The following ATP8B4 variants were observed in gnomAD, a reference collection of about 807,000 sequenced individuals.
The protein encoded by ATP8B4 is probable phospholipid-transporting ATPase IM.
In ATP8B4, 133 loss-of-function variants were observed where a neutral mutation model predicts 145.6. That is an observed-to-expected ratio of 0.91 (90% CI 0.79 to 1.05). The LOEUF (loss-of-function observed/expected upper bound fraction) is 1.05. Ranked by LOEUF, ATP8B4 falls within the 50% of genes least tolerant of loss-of-function variation. The pLI is 0.00. For missense variants in ATP8B4, 1,458 were observed against 1,425.2 expected, an observed-to-expected ratio of 1.02 and a Z score of -0.37; for synonymous variants, 507 against 492.9, an observed-to-expected ratio of 1.03 and a Z score of -0.38.
chr15:50,074,282 G>T, intron 2 of ATP8B4, 97 bp from the exon 3 acceptor site: 1 of 1,023,990 alleles, frequency 9.8e-7, no homozygotes, highest in Admixed American at 2.3e-5. Flanking sequence ...TGTTGTTAAG[G>T]CTGCAAGAAT....
intron 23 of ATP8B4, among the ~76,000 whole-genome samples, chr15:49,892,550 A>C (rs1255700638): frequency 2.0e-5 from 3 of 152,188 alleles, no homozygotes; most frequent in African/African-American, 7.2e-5. Context: ...ATTGTTTTCA[A>C]AACACTAGAA....
rs1470592408 is a variant in ATP8B4 at position 50,047,406 on chromosome 15, A to G, written c.146T>C (p.Phe49Ser). 2.5e-6 allele frequency: 4 copies of G among 1,601,140 alleles called. No individual in the cohort carries two copies. Among genetic ancestry groups the G allele is most frequent in the Non-Finnish European group, 3.4e-6 (4 of 1,168,408 alleles). Reference sequence around the variant, plus strand: ...ATTTGCCACTCTTTGGAACTGTTCAAATAAATTAATTGGCAAGAAGGTGAG... The same window carrying G: ...ATTTGCCACTCTTTGGAACTGTTCAGATAAATTAATTGGCAAGAAGGTGAG... Reference protein sequence around the residue: ...NILTFLPINLFEQFQRVANAY... With the variant: ...NILTFLPINLSEQFQRVANAY... The change falls in exon 4 of 28, where the codon TTT becomes TCT. Residue 49 changes from phenylalanine to serine, a missense_variant. Coordinates refer to ENST00000284509, the MANE Select transcript of ATP8B4 (RefSeq NM_024837.4).
intron 12 of ATP8B4, among the ~76,000 whole-genome samples, chr15:49,973,704 A>G (rs150355310): frequency 1.4e-3 from 213 of 152,356 alleles, no homozygotes; most frequent in Non-Finnish European, 1.9e-3. Context: ...CAGCTCCAGA[A>G]GCAGAATTTT....
intron 12 of ATP8B4, among the ~76,000 whole-genome samples, chr15:49,977,759 A>G (rs1325132637): frequency 1.3e-5 from 2 of 152,204 alleles, no homozygotes; most frequent in East Asian, 1.9e-4. Flanking sequence ...TTTAAGTGAT[A>G]AAGTGTTATA....
intron 14 of ATP8B4, among the ~76,000 whole-genome samples, chr15:49,950,570 C>T (rs1251491468): frequency 1.5e-5 from 2 of 137,080 alleles, no homozygotes; most frequent in African/African-American, 5.4e-5. Flanking sequence ...TTTAGTCTAG[C>T]TAGCCATCTA....
upstream of ATP8B4, among the ~76,000 whole-genome samples, chr15:50,120,508 A>G (rs1248759069): frequency 6.6e-6 from 1 of 152,216 alleles, no homozygotes; most frequent in Non-Finnish European, 1.5e-5. Context: ...TAAGGAAATC[A>G]GGGCCTTTTC....
intron 1 of ATP8B4, among the ~76,000 whole-genome samples, chr15:50,161,850 T>C (rs75963527): frequency 0.014 from 2,100 of 152,294 alleles, 51 homozygotes; most frequent in African/African-American, 0.048. Flanking sequence ...CTATTATCAG[T>C]GAGTTTTGTA....
chr15:49,939,419 CATT>C (rs2041992204), intron 14 of ATP8B4, among the ~76,000 whole-genome samples: 1 of 151,938 alleles, frequency 6.6e-6, no homozygotes, highest in Non-Finnish European at 1.5e-5. Flanking sequence ...ACAAATGTGA[CATT>C]ATAATCAATC....
At chr15:49,880,425 GT>G (rs1352826448) in intron 23 of ATP8B4, 7 of 152,398 alleles carry the variant, frequency 4.6e-5, no homozygotes, top group South Asian at 4.1e-4. Flanking sequence ...AGGTGGCCCA[GT>G]TGGGTAGAGC....
intron 27 of ATP8B4, among the ~76,000 whole-genome samples, chr15:49,861,469 TCTATCTAC>T (rs1176455521): frequency 2.1e-5 from 3 of 143,460 alleles, no homozygotes; most frequent in African/African-American, 7.7e-5. Context: ...TATCTATCTA[TCTATCTAC>T]CTACCTACCT....
intron 26 of ATP8B4, among the ~76,000 whole-genome samples, chr15:49,865,867 AC>A (rs1193266821): frequency 1.3e-5 from 2 of 152,204 alleles, no homozygotes; most frequent in Non-Finnish European, 2.9e-5. Context: ...TCCTCATGCC[AC>A]TTATGGATTA....
intron 1 of ATP8B4, among the ~76,000 whole-genome samples, chr15:50,137,086 G>A (rs2044132639): frequency 6.6e-6 from 1 of 152,150 alleles, no homozygotes; most frequent in Non-Finnish European, 1.5e-5. Context: ...AATGCATCAA[G>A]CACTGTGCAA....
chr15:50,069,912 T>G (rs1244645570), intron 3 of ATP8B4, among the ~76,000 whole-genome samples: 1 of 152,196 alleles, frequency 6.6e-6, no homozygotes, highest in Non-Finnish European at 1.5e-5. Context: ...AAGCACCTGG[T>G]ACACAGTTGG....
At chr15:49,931,746 G>A (rs576253123) in intron 15 of ATP8B4, among the ~76,000 whole-genome samples, 11 of 152,070 alleles carry the variant, frequency 7.2e-5, no homozygotes, top group Middle Eastern at 3.4e-3. Flanking sequence ...TGGAACCTAT[G>A]ACTGAAAGAG....
At chr15:49,885,834 A>G (rs1386976907) in intron 23 of ATP8B4, 2 of 152,228 alleles carry the variant, frequency 1.3e-5, no homozygotes, top group East Asian at 1.9e-4. Flanking sequence ...TTCCTGCCCA[A>G]GCTATTCTTC....
chr15:50,138,940 C>T (rs978534379), intron 1 of ATP8B4, among the ~76,000 whole-genome samples: 5 of 152,126 alleles, frequency 3.3e-5, no homozygotes, highest in Non-Finnish European at 7.4e-5. Context: ...TGTGTCTGTT[C>T]TCATGCTGGC....
chr15:49,994,017 G>A (rs935467373), intron 9 of ATP8B4, among the ~76,000 whole-genome samples: 8 of 152,096 alleles, frequency 5.3e-5, no homozygotes, highest in African/African-American at 1.7e-4. Flanking sequence ...ATTTTGTGAA[G>A]TATTTTTAAA....
At chr15:49,940,127 C>A (rs760687004) in intron 14 of ATP8B4, among the ~76,000 whole-genome samples, 1 of 152,084 alleles carries the variant, frequency 6.6e-6, no homozygotes, top group Non-Finnish European at 1.5e-5. Flanking sequence ...TTCACAATAG[C>A]AAAGACATGG....
At chr15:49,982,556 T>C (rs2046251008) in intron 10 of ATP8B4, 1 of 152,134 alleles carries the variant, frequency 6.6e-6, no homozygotes, top group Admixed American at 6.6e-5. Context: ...TTTGGTGCTG[T>C]AGGCTTAAAA....
Sources: allele counts gnomAD v4.1 joint callset (sites outside exome capture counted in the v4.1 genomes callset), GRCh38; gene constraint gnomAD v4.1.1; transcripts MANE v1.5; gene names NCBI Gene and HGNC (gene_info 2026-07-23, HGNC 2026-07-21).